Variants in DHX37 observed in about 807,000 individuals in gnomAD.
DHX37 encodes the protein probable ATP-dependent RNA helicase DHX37.
Under a neutral mutation model 134.3 loss-of-function variants are expected in DHX37, and 52 were observed. The ratio of observed to expected loss-of-function variants is 0.39; its 90% CI spans 0.31 to 0.49. DHX37 has a LOEUF of 0.49. DHX37 is among the 20% of genes least tolerant of loss of function. The pLI, the probability that DHX37 is intolerant of heterozygous loss-of-function variation, is 0.93. For synonymous variants in DHX37, 634 were observed against 670.7 expected (o/e 0.95, Z 0.85); for missense variants, 1,344 against 1,580.8 (o/e 0.85, Z 2.54).
At chr12:124,964,250 TG>T in intron 15 of DHX37, 143 bp downstream of exon 15, 4 of 1,230,814 alleles carry the variant, frequency 3.2e-6, no homozygotes, top group Non-Finnish European at 4.4e-6. Context: ...GCAAAAGGGC[TG>T]GGGAGCACCC....
In DHX37 at chr12:124,980,083, T is replaced by G. The variant is rs573755784; in HGVS notation, c.738+407A>C. On this transcript the variant is annotated intron_variant, in intron 4 of 26. Coordinates refer to ENST00000308736, the MANE Select transcript of DHX37 (RefSeq NM_032656.4). The surrounding 1 kb of genome is among the most constrained non-coding windows in gnomAD (Gnocchi z 5.3). ...GCACAGAGAGGGGGAGCCCCTTCAG[T>G]AGCCGGAATATTCCCATTTTACAGA... is the stretch of plus-strand genomic sequence containing the variant. Among the ~76,000 whole-genome samples the G allele has an allele frequency of 6.6e-6, 1 of 152,344 alleles. No individual in the cohort carries two copies. The highest frequency in any genetic ancestry group is 6.5e-5 in the Admixed American group (1 of 15,304).
intron 8 of DHX37, 42 bp downstream of exon 8, chr12:124,971,260 G>A (rs544865693): frequency 1.3e-6 from 2 of 1,593,334 alleles, no homozygotes; most frequent in South Asian, 2.3e-5. Context: ...GCTGGGGGGG[G>A]CCTAGGGCTC....
intron 12 of DHX37, 26 bp downstream of exon 12, chr12:124,966,766 AG>A (rs1954398217): frequency 6.2e-7 from 1 of 1,612,266 alleles, no homozygotes; most frequent in African/African-American, 1.3e-5. Context: ...CTTACTCTCC[AG>A]GAGTCCCTGC....
At chr12:124,954,826 C>G (rs1247715697) in intron 18 of DHX37, among the ~76,000 whole-genome samples, 1 of 152,222 alleles carries the variant, frequency 6.6e-6, no homozygotes, top group Non-Finnish European at 1.5e-5. Flanking sequence ...ACATATGTGT[C>G]AGGCACGGCT....
In DHX37 at chr12:124,966,701, A is replaced by C. The variant is rs1247168142; in HGVS notation, c.1590+92T>G. Reference sequence around the variant, plus strand: ...TTTAACTTCATTTTATTCCAATTACACTTAAACCTAAGCAGCCACATGGGG... The same window carrying C: ...TTTAACTTCATTTTATTCCAATTACCCTTAAACCTAAGCAGCCACATGGGG... On this transcript the variant is annotated intron_variant, in intron 12 of 26. Transcript: ENST00000308736. The C allele has an allele frequency of 3.1e-6, 4 of 1,309,158 alleles. No individual in the cohort carries two copies. The South Asian group carries it at 3.6e-5, about 12-fold the overall frequency. The allele number at this position is 1,309,158 out of a possible 1,614,324, so 81.1% of individuals were successfully genotyped here. A position where few individuals can be genotyped will look rare whatever the true frequency, so the allele number is the denominator to read the frequency against.
intron 1 of DHX37, among the ~76,000 whole-genome samples, chr12:124,988,512 T>C (rs1007054021): frequency 1.3e-5 from 2 of 152,132 alleles, no homozygotes; most frequent in South Asian, 2.1e-4. Flanking sequence ...GTGCCTGGCA[T>C]GTAATAAGGG....
At chr12:124,984,774 T>C (rs1954831377) in intron 2 of DHX37, among the ~76,000 whole-genome samples, 1 of 152,228 alleles carries the variant, frequency 6.6e-6, no homozygotes, top group Non-Finnish European at 1.5e-5. Context: ...GAAATATTTA[T>C]GGATATAATG....
intron 5 of DHX37, among the ~76,000 whole-genome samples, chr12:124,976,048 T>C (rs1005313205): frequency 6.6e-6 from 1 of 152,172 alleles, no homozygotes; most frequent in Non-Finnish European, 1.5e-5. Context: ...TTTAGGCGTC[T>C]AGGATTTCGT....
intron 7 of DHX37, among the ~76,000 whole-genome samples, chr12:124,972,184 G>A (rs1008299452): frequency 6.6e-6 from 1 of 152,220 alleles, no homozygotes. Flanking sequence ...CCGGCAAGGC[G>A]TGAACTCTGT....
intron 5 of DHX37, among the ~76,000 whole-genome samples, chr12:124,976,834 A>G (rs558501546): frequency 2.1e-5 from 3 of 146,158 alleles, no homozygotes; most frequent in Non-Finnish European, 4.6e-5. Flanking sequence ...CGTCTCAAAA[A>G]TAATAATAAT....
chr12:124,989,129 GT>G lies in DHX37; in HGVS notation c.-108del, dbSNP rs982743399. The G allele has an allele frequency of 1.5e-6, 1 of 679,644 alleles. No homozygotes were observed. The highest frequency in any genetic ancestry group is 1.9e-5 in the African/African-American group (1 of 53,516). 42.1% of individuals were successfully genotyped at this position (679,644 alleles called of 1,614,324 possible). A position where few individuals can be genotyped will look rare whatever the true frequency, so the allele number is the denominator to read the frequency against. The stretch of plus-strand genomic sequence containing the variant: ...CCAACTCCGGCCGTGAGACTTCCGG[GT>G]TGTGTTATCGCGAGAACTGTAACTG... On this transcript the variant is annotated 5_prime_UTR_variant, in exon 1 of 27. Transcript: ENST00000308736.
rs1438829686 is a variant in DHX37 at position 124,980,825 on chromosome 12, C to A, written c.403G>T (p.Val135Leu). The A allele has an allele frequency of 1.9e-6, 3 of 1,552,950 alleles. No individual in the cohort carries two copies. The highest frequency in any genetic ancestry group is 2.7e-5 in the African/African-American group (2 of 73,344). The change falls in exon 4 of 27, where the codon GTG becomes TTG. Residue 135 changes from valine to leucine, a missense_variant. By Grantham distance (32) the Val-to-Leu change is conservative. Around this residue, in one of 7 missense-constraint regions of DHX37, gnomAD observed 319 missense variants for 296.1 expected, o/e 1.08. Transcript: ENST00000308736. The surrounding 1 kb of genome is among the most constrained non-coding windows in gnomAD (Gnocchi z 5.3). ...MYHTKEKADE[V>L]VAPGQEKISS... ...ATCTTCTCCTGGCCCGGGGCTACCACCTCGTCAGCCTTCCTGTTGAGATAG... is the reference window on the plus strand; with the variant it reads ...ATCTTCTCCTGGCCCGGGGCTACCAACTCGTCAGCCTTCCTGTTGAGATAG...
At position 124,957,065 on chromosome 12, in the gene DHX37, G is replaced by C. The variant is rs568230997; in HGVS notation, c.2228C>G (p.Ala743Gly). 3 of 1,504,394 alleles carry C rather than the reference G, an allele frequency of 2.0e-6. No individual in the cohort carries two copies. Among genetic ancestry groups the C allele is most frequent in the East Asian group, 4.9e-5 (2 of 40,542 alleles). The allele number at this position is 1,504,394 out of a possible 1,614,324, so 93.2% of individuals were successfully genotyped here. The change falls in exon 17 of 27, where the codon GCA becomes GGA. Residue 743 changes from alanine to glycine, a missense_variant. Ala to Gly is a moderately conservative substitution (Grantham distance 60, BLOSUM62 0). Coordinates refer to ENST00000308736, the MANE Select transcript of DHX37 (RefSeq NM_032656.4). ...CTGGGGCGGTTGCAGGGCACCCAGT[G>C]CGATCAACAGCTCCTCGGCGGCAAG... ...ALLAAEELLI[A>G]LGALQPPQKA...
chr12:124,957,237 G>A (rs369680926), intron 16 of DHX37, 102 bp from the exon 17 acceptor site: 28 of 1,131,622 alleles, frequency 2.5e-5, no homozygotes, highest in South Asian at 4.1e-5. Flanking sequence ...CCCTCTCTCC[G>A]GGCTCAGCTC....
At chr12:124,959,883 C>T (rs7303442) in intron 16 of DHX37, among the ~76,000 whole-genome samples, 47,060 of 152,100 alleles carry the variant, frequency 0.31, 9,384 homozygotes, top group African/African-American at 0.58. Context: ...GGGATCTGAA[C>T]GCCCACAGGA....
At chr12:124,986,343 C>T (rs1954872041) in intron 1 of DHX37, 78 bp from the exon 2 acceptor site, 1 of 1,509,560 alleles carries the variant, frequency 6.6e-7, no homozygotes, top group East Asian at 2.3e-5. Context: ...CCCTGACTTG[C>T]ATGGGGGCCT....
chr12:124,976,551 C>T (rs35989870), intron 5 of DHX37, among the ~76,000 whole-genome samples: 7,966 of 152,036 alleles, frequency 0.052, 324 homozygotes, highest in Admixed American at 0.12. Flanking sequence ...GTCTCTTGGC[C>T]GGGTGCAGTG....
chr12:124,968,701 C>A (rs1389540663), intron 9 of DHX37, 53 bp from the exon 10 acceptor site: 3 of 1,612,368 alleles, frequency 1.9e-6, no homozygotes, highest in East Asian at 2.2e-5. Flanking sequence ...AGCTTCGGCC[C>A]AGGGCTGCCT....
chr12:124,986,902 C>T (rs1167982080), intron 1 of DHX37, among the ~76,000 whole-genome samples: 2 of 150,224 alleles, frequency 1.3e-5, no homozygotes, highest in Non-Finnish European at 2.9e-5. Flanking sequence ...TGTACCACCA[C>T]GCCCCAGCTA....
Sources: allele counts gnomAD v4.1 joint callset (sites outside exome capture counted in the v4.1 genomes callset), GRCh38; gene constraint gnomAD v4.1.1; regional missense constraint gnomAD v4.1.1; non-coding constraint Gnocchi (gnomAD v3.1); transcripts MANE v1.5; gene names NCBI Gene and HGNC (gene_info 2026-07-23, HGNC 2026-07-21).